The following SYNJ2 variants were observed in gnomAD, a reference collection of about 807,000 sequenced individuals.
SYNJ2 encodes polyphosphatidylinositol phosphatase SYNJ2.
Under a neutral mutation model 141.3 loss-of-function variants are expected in SYNJ2, and 116 were observed. The ratio of observed to expected loss-of-function variants is 0.82; its 90% CI spans 0.71 to 0.96. The LOEUF is 0.96. Ranked by LOEUF, SYNJ2 falls within the 40% of genes least tolerant of loss-of-function variation. The pLI, the probability that SYNJ2 is intolerant of heterozygous loss-of-function variation, is 0.00. For synonymous variants in SYNJ2, 745 were observed against 777.7 expected (o/e 0.96, Z 0.70); for missense variants, 1,873 against 1,934.8 (o/e 0.97, Z 0.60).
At chr6:158,053,003 C>T (rs1780653304) in intron 5 of SYNJ2, among the ~76,000 whole-genome samples, 1 of 152,224 alleles carries the variant, frequency 6.6e-6, no homozygotes, top group East Asian at 1.9e-4. Flanking sequence ...TAATCTGCAT[C>T]TGTTCCTCGG....
chr6:158,095,816 G>A lies in SYNJ2; in HGVS notation c.3943G>A (p.Ala1315Thr), dbSNP rs954696010. 1.9e-5 allele frequency: 30 copies of A among 1,614,134 alleles called. No homozygotes were observed. The highest frequency in any genetic ancestry group is 2.5e-5 in the Non-Finnish European group (30 of 1,180,004). Residue 1315 changes from alanine to threonine, a missense_variant, in exon 27 of 27, where the codon GCA becomes ACA. Physicochemically the swap from Ala to Thr is moderately conservative, Grantham distance 58. Coordinates refer to ENST00000355585, the MANE Select transcript of SYNJ2 (RefSeq NM_003898.4). ...KPASDEAPPG[A>T]GASVPPPLEA... is the part of the protein sequence containing the mutation. ...AGCATCAGACGAAGCCCCTCCTGGG[G>A]CAGGAGCCTCTGTGCCACCACCTCT...
At chr6:158,068,572 A>C in intron 12 of SYNJ2, 75 bp from the exon 13 acceptor site, 1 of 1,538,066 alleles carries the variant, frequency 6.5e-7, no homozygotes, top group Non-Finnish European at 9.0e-7. Flanking sequence ...GGGAGAGGGC[A>C]CTGGGGAGCC....
intron 1 of SYNJ2, among the ~76,000 whole-genome samples, chr6:158,012,453 T>C (rs769193562): frequency 1.1e-4 from 17 of 152,254 alleles, no homozygotes; most frequent in South Asian, 4.2e-4. Flanking sequence ...ATTGCCGCGA[T>C]TGCTGAATTT....
rs1219597923 is a variant in SYNJ2, at chr6:158,027,578, A to G, written c.215-1178A>G. On this transcript the variant is annotated intron_variant, in intron 2 of 26. Transcript: ENST00000355585. This position sits in a 1 kb window ranked among gnomAD's most constrained non-coding sequence, Gnocchi z 4.6. Reference sequence around the variant, plus strand: ...CTGCAGGGTCCGAGGTCGTCTTGGTAGCATTTGGCAGGAATTTATTTAGGA... The same window carrying G: ...CTGCAGGGTCCGAGGTCGTCTTGGTGGCATTTGGCAGGAATTTATTTAGGA... 1 of 152,226 alleles carries G rather than the reference A, an allele frequency of 6.6e-6. No homozygotes were observed. Among genetic ancestry groups the G allele is most frequent in the African/African-American group, 2.4e-5 (1 of 41,452 alleles). 9.4% of individuals were successfully genotyped at this position (152,226 alleles called of 1,614,324 possible).
rs766249368 is a variant in SYNJ2 at position 158,070,222 on chromosome 6, G to A, written c.1940+549G>A. 1 of 985,464 alleles carries A rather than the reference G, an allele frequency of 1.0e-6. No homozygotes were observed. The highest frequency in any genetic ancestry group is 1.2e-6 in the Non-Finnish European group (1 of 830,000). 61.0% of individuals were successfully genotyped at this position (985,464 alleles called of 1,614,324 possible). A position where few individuals can be genotyped will look rare whatever the true frequency, so the allele number is the denominator to read the frequency against. On this transcript the variant is annotated intron_variant, in intron 14 of 26. Coordinates refer to ENST00000355585, the MANE Select transcript of SYNJ2 (RefSeq NM_003898.4). The surrounding 1 kb of genome is among the most constrained non-coding windows in gnomAD (Gnocchi z 4.0). Reference sequence around the variant, plus strand: ...GGAACTCATCTTTTCCCCAGCTTGTGGTTGGCCTCATCTTACCACCTGGGC... The same window carrying A: ...GGAACTCATCTTTTCCCCAGCTTGTAGTTGGCCTCATCTTACCACCTGGGC...
Position 158,070,292 on chromosome 6 carries a change from C to A in SYNJ2, c.1940+619C>A, listed in dbSNP as rs990206802. 2.0e-6 allele frequency: 2 copies of A among 985,410 alleles called. No individual in the cohort carries two copies. The highest frequency in any genetic ancestry group is 3.5e-5 in the African/African-American group (2 of 57,224). The allele number at this position is 985,410 out of a possible 1,614,324, so 61.0% of individuals were successfully genotyped here. A position where few individuals can be genotyped will look rare whatever the true frequency, so the allele number is the denominator to read the frequency against. On this transcript the variant is annotated intron_variant, in intron 14 of 26. Coordinates refer to ENST00000355585, the MANE Select transcript of SYNJ2 (RefSeq NM_003898.4). The surrounding 1 kb of genome is among the most constrained non-coding windows in gnomAD (Gnocchi z 4.0). Reference sequence around the variant, plus strand: ...TTCCACCAGCCTTTCGGCGAGCTGGCAGCAGGCGTTGAACTGACCTCCCCA... The same window carrying A: ...TTCCACCAGCCTTTCGGCGAGCTGGAAGCAGGCGTTGAACTGACCTCCCCA...
intron 18 of SYNJ2, chr6:158,078,599 T>C: frequency 4.6e-6 from 1 of 217,262 alleles, no homozygotes; most frequent in Non-Finnish European, 9.3e-6. Context: ...CTTGCTTTTT[T>C]GTTACTATTT....
In SYNJ2 at chr6:158,033,591, C is replaced by T. The variant is rs773216272; in HGVS notation, c.622C>T (p.Arg208Cys). The change falls in exon 4 of 27, where the codon CGC becomes TGC. Residue 208 changes from arginine (R) to cysteine (C), a missense_variant. Transcript: ENST00000355585. ...GCAGGCCAAGGCCTGCCTCGTCTCT[C>T]GCGTTAGCTGTGAGCGCACAGGCAC... is the stretch of plus-strand genomic sequence containing the variant. Reference protein sequence around the residue: ...HKQAKACLVSRVSCERTGTRF... With the variant: ...HKQAKACLVSCVSCERTGTRF... The T allele has an allele frequency of 2.0e-5, 32 of 1,613,868 alleles. No homozygotes were observed. The Admixed American group carries it at 2.2e-4, about 11-fold the overall frequency.
intron 1 of SYNJ2, among the ~76,000 whole-genome samples, chr6:158,016,164 A>G (rs1778445855): frequency 6.6e-6 from 1 of 152,176 alleles, no homozygotes; most frequent in South Asian, 2.1e-4. Context: ...CCCAGGCTGG[A>G]GTGCAGTGGC....
intron 1 of SYNJ2, among the ~76,000 whole-genome samples, chr6:157,986,665 G>A (rs1257721404): frequency 1.3e-5 from 2 of 152,222 alleles, no homozygotes; most frequent in East Asian, 3.8e-4. Flanking sequence ...TCACCTGTAA[G>A]ATCGTGATTT....
intron 1 of SYNJ2, among the ~76,000 whole-genome samples, chr6:158,006,585 C>G (rs1015679087): frequency 6.6e-6 from 1 of 152,156 alleles, no homozygotes; most frequent in Admixed American, 6.5e-5. Flanking sequence ...AAGTCGGTGC[C>G]CTCCACTCAC....
intron 26 of SYNJ2, among the ~76,000 whole-genome samples, chr6:158,094,557 G>A (rs1414562811): frequency 6.6e-6 from 1 of 152,144 alleles, no homozygotes; most frequent in Non-Finnish European, 1.5e-5. Context: ...ATTGTAAGTC[G>A]GGGACCACCT....
At chr6:157,999,945 GGTTGACAGC>G (rs1184315514) in intron 1 of SYNJ2, among the ~76,000 whole-genome samples, 1 of 152,004 alleles carries the variant, frequency 6.6e-6, no homozygotes, top group African/African-American at 2.4e-5. Flanking sequence ...TTTGACCTTT[GGTTGACAGC>G]ACACAGCACA....
intron 1 of SYNJ2, among the ~76,000 whole-genome samples, chr6:157,997,582 C>G (rs1777682813): frequency 6.6e-6 from 1 of 152,152 alleles, no homozygotes; most frequent in Admixed American, 6.5e-5. Context: ...GATTTCTGGC[C>G]TCCAGAACTG....
chr6:158,003,881 G>A (rs1583302464), intron 1 of SYNJ2, among the ~76,000 whole-genome samples: 1 of 152,176 alleles, frequency 6.6e-6, no homozygotes, highest in East Asian at 1.9e-4. Context: ...TTCCTTGGGA[G>A]CCTCTCAAGT....
intron 3 of SYNJ2, among the ~76,000 whole-genome samples, 169 bp from the exon 4 acceptor site, chr6:158,033,286 C>T (rs537580188): frequency 3.3e-4 from 50 of 152,232 alleles, no homozygotes; most frequent in Non-Finnish European, 6.5e-4. Flanking sequence ...ACATGAACTT[C>T]CCAGATCTGT....
rs1451077792 is a variant in SYNJ2 at position 158,083,610 on chromosome 6, G to A, written c.3034+13G>A. On this transcript the variant is annotated intron_variant, in intron 21 of 26. Coordinates refer to ENST00000355585, the MANE Select transcript of SYNJ2 (RefSeq NM_003898.4). ...TATGAGTCAGAAGGTTAGTGACCCT[G>A]CAGGGAGGGACAGGCAAGCCGTTCT... The A allele has an allele frequency of 3.1e-6, 5 of 1,613,672 alleles. No homozygotes were observed. The highest frequency in any genetic ancestry group is 4.2e-6 in the Non-Finnish European group (5 of 1,179,876).
chr6:158,080,432 G>A (rs3003558), intron 18 of SYNJ2, among the ~76,000 whole-genome samples: 80,625 of 149,188 alleles, frequency 0.54, 22,170 homozygotes, highest in African/African-American at 0.64. Flanking sequence ...CTGAGATCGC[G>A]CCACTGCACT....
At chr6:157,997,770 A>G (rs367731406) in intron 1 of SYNJ2, among the ~76,000 whole-genome samples, 3 of 149,966 alleles carry the variant, frequency 2.0e-5, no homozygotes, top group Non-Finnish European at 3.0e-5. Context: ...GGCAAAAAAA[A>G]TAGCCAAGAT....
Sources: allele counts gnomAD v4.1 joint callset (sites outside exome capture counted in the v4.1 genomes callset), GRCh38; gene constraint gnomAD v4.1.1; non-coding constraint Gnocchi (gnomAD v3.1); transcripts MANE v1.5; gene names NCBI Gene and HGNC (gene_info 2026-07-23, HGNC 2026-07-21).